TRIM14: variants seen among roughly 807,000 people sequenced by gnomAD.
TRIM14 encodes the protein tripartite motif containing 14, also known as tripartite motif-containing protein 14.
TRIM14 carries 28 observed loss-of-function variants against 44.5 expected under a neutral mutation model. The ratio of observed to expected loss-of-function variants is 0.63; its 90% CI spans 0.47 to 0.86. The LOEUF (loss-of-function observed/expected upper bound fraction) is 0.86. Ranked by LOEUF, TRIM14 falls within the 40% of genes least tolerant of loss-of-function variation. The pLI, the probability that TRIM14 is intolerant of heterozygous loss-of-function variation, is 0.00. For synonymous variants in TRIM14, 299 were observed against 269.2 expected (o/e 1.11, Z -1.08); for missense variants, 607 against 611.1 (o/e 0.99, Z 0.07).
the TRIM14 span, chr9:98,060,820 G>T: frequency 6.2e-7 from 1 of 1,614,094 alleles, no homozygotes; most frequent in Admixed American, 1.7e-5. Flanking sequence ...AGAAGAGTGA[G>T]CTAGAATTCA....
chr9:98,042,896 G>A, the TRIM14 span, among the ~76,000 whole-genome samples: 1 of 151,554 alleles, frequency 6.6e-6, no homozygotes, highest in African/African-American at 2.4e-5. Flanking sequence ...GTTTACTTAA[G>A]TCATGCAATC....
intron 1 of TRIM14, 89 bp from the exon 2 acceptor site, chr9:98,110,073 G>T: frequency 2.0e-6 from 2 of 992,448 alleles, no homozygotes; most frequent in Admixed American, 2.0e-5. Context: ...TCTTACCCTT[G>T]TATTCTTTTC....
intron 6 of TRIM14, chr9:98,075,463 G>A (rs1029521642): frequency 1.3e-5 from 2 of 150,562 alleles, no homozygotes; most frequent in African/African-American, 4.9e-5. Context: ...GGAAAGGGAG[G>A]GAGGGAGGAA....
In TRIM14 at chr9:98,109,987, G is replaced by A. The variant is rs1223362623; in HGVS notation, c.208-3C>T. ...TTTAAACATTCTTGGCTGAGTTTCT[G>A]TACAGGAGGGAGTTAGGAAAAAAGT... is the stretch of plus-strand genomic sequence containing the variant. On this transcript the variant is annotated splice_polypyrimidine_tract_variant and splice_region_variant and intron_variant, in intron 1 of 5. Coordinates refer to ENST00000341469, the MANE Select transcript of TRIM14 (RefSeq NM_014788.4). The A allele has an allele frequency of 6.2e-7, 1 of 1,612,942 alleles. No individual in the cohort carries two copies. The highest frequency in any genetic ancestry group is 8.5e-7 in the Non-Finnish European group (1 of 1,179,202).
At chr9:98,089,780 C>T (rs1437804885) in intron 5 of TRIM14, among the ~76,000 whole-genome samples, 3 of 152,200 alleles carry the variant, frequency 2.0e-5, no homozygotes, top group African/African-American at 7.2e-5. Context: ...CATCTGCTTG[C>T]TCCTTCCCTG....
Position 98,108,508 on chromosome 9 carries a change from C to T in TRIM14, c.303+1381G>A, listed in dbSNP as rs561239494. The stretch of plus-strand genomic sequence containing the variant: ...GGAAGACTAGACCCTCCACATGGGT[C>T]CTAATTCTTGGGGGCCCTCAAACCA... On this transcript the variant is annotated intron_variant, in intron 2 of 5. Transcript: ENST00000341469. Among the ~76,000 whole-genome samples, 118 of 152,234 alleles carry T rather than the reference C, an allele frequency of 7.8e-4. 3 individuals carry two copies. Among genetic ancestry groups the T allele is most frequent in the Non-Finnish European group, 6.6e-4 (45 of 68,030 alleles).
At chr9:98,081,016 T>G (rs139463249), downstream of TRIM14, 676 of 1,614,190 alleles carry the variant, frequency 4.2e-4, 1 homozygote, top group Non-Finnish European at 4.7e-4. Flanking sequence ...CAGTGCGTCT[T>G]GTGGAGCGTG....
intron 4 of TRIM14, among the ~76,000 whole-genome samples, chr9:98,093,871 G>A (rs1164355356): frequency 3.3e-5 from 5 of 151,990 alleles, no homozygotes; most frequent in Non-Finnish European, 7.4e-5. Flanking sequence ...TCAGCTTCCC[G>A]AGTAGCTGGG....
chr9:98,065,098 C>T (rs1211073772), downstream of TRIM14, among the ~76,000 whole-genome samples: 4 of 152,134 alleles, frequency 2.6e-5, no homozygotes, highest in African/African-American at 9.7e-5. Context: ...AGCCTGCATT[C>T]AGAAAGGAAT....
At chr9:98,038,638 A>G in the TRIM14 span, among the ~76,000 whole-genome samples, 110 of 152,328 alleles carry the variant, frequency 7.2e-4, 1 homozygote, top group African/African-American at 2.6e-3. Flanking sequence ...CACAAATTAT[A>G]CAAAACTGCA....
chr9:98,044,324 A>C, the TRIM14 span, among the ~76,000 whole-genome samples: 6 of 140,580 alleles, frequency 4.3e-5, no homozygotes, highest in Non-Finnish European at 9.3e-5. Flanking sequence ...GCCCCCGGTC[A>C]CCCAGGGGCG....
intron 2 of TRIM14, among the ~76,000 whole-genome samples, chr9:98,104,777 G>C (rs561777832): frequency 3.3e-5 from 5 of 152,306 alleles, no homozygotes; most frequent in African/African-American, 1.2e-4. Context: ...GAAGGCTGGG[G>C]GATTTTGCAC....
intron 5 of TRIM14, among the ~76,000 whole-genome samples, chr9:98,090,998 T>C (rs1283095506): frequency 1.3e-5 from 2 of 152,248 alleles, no homozygotes; most frequent in African/African-American, 4.8e-5. Flanking sequence ...TCCTGATGGT[T>C]ACTTTGCACT....
rs558347043 is a variant in TRIM14 at position 98,100,893 on chromosome 9, A to G, written c.304-729T>C. On this transcript the variant is annotated intron_variant, in intron 2 of 5. Transcript: ENST00000341469. ...GGTTAAGGAAAACAAACAAAAGAGA[A>G]GGTCCAGTTAAACTAAAACACTGTA... Among the ~76,000 whole-genome samples, 12 of 152,294 alleles carry G rather than the reference A, an allele frequency of 7.9e-5. No homozygotes were observed. The South Asian group carries it at 2.5e-3, about 32-fold the overall frequency.
At chr9:98,093,159 G>A (rs181295576) in intron 4 of TRIM14, among the ~76,000 whole-genome samples, 2 of 152,104 alleles carry the variant, frequency 1.3e-5, no homozygotes, top group African/African-American at 2.4e-5. Flanking sequence ...AGTTGCCCAC[G>A]TCCAAATCCT....
chr9:98,084,013 C>T (rs1033501409), downstream of TRIM14, among the ~76,000 whole-genome samples: 1 of 152,120 alleles, frequency 6.6e-6, no homozygotes, highest in Admixed American at 6.5e-5. Context: ...CAGAAGGCTG[C>T]GTAAGGAATA....
intron 6 of TRIM14, among the ~76,000 whole-genome samples, chr9:98,073,458 T>C (rs1392209610): frequency 6.6e-6 from 1 of 151,652 alleles, no homozygotes; most frequent in Non-Finnish European, 1.5e-5. Context: ...CTAATTTTTG[T>C]ATTTTTAGTA....
the TRIM14 span, among the ~76,000 whole-genome samples, chr9:98,039,880 C>T: frequency 1.1e-4 from 16 of 152,216 alleles, no homozygotes; most frequent in African/African-American, 2.9e-4. Flanking sequence ...CCCGCACAGC[C>T]GGCTCTGCAT....
the TRIM14 span, among the ~76,000 whole-genome samples, chr9:98,054,379 G>T: frequency 6.6e-6 from 1 of 151,864 alleles, no homozygotes; most frequent in Non-Finnish European, 1.5e-5. Context: ...ACTGATTGAG[G>T]AGAAGTCTCC....
Sources: allele counts gnomAD v4.1 joint callset (sites outside exome capture counted in the v4.1 genomes callset), GRCh38; gene constraint gnomAD v4.1.1; transcripts MANE v1.5; gene names NCBI Gene and HGNC (gene_info 2026-07-23, HGNC 2026-07-21).